The following HCN1 variants were observed in gnomAD, a reference collection of about 807,000 sequenced individuals.
HCN1 encodes the protein hyperpolarization activated cyclic nucleotide gated potassium channel 1, also known as potassium/sodium hyperpolarization-activated cyclic nucleotide-gated channel 1.
In HCN1, 13 loss-of-function variants were observed where a neutral mutation model predicts 78.9. The ratio of observed to expected loss-of-function variants is 0.16; its 90% CI spans 0.11 to 0.26. The LOEUF is 0.26. Among genes scored for constraint, HCN1 ranks in the 10% least tolerant of loss-of-function variants. HCN1 has a pLI of 1.00. For missense variants in HCN1, 810 were observed against 1,154.3 expected, an observed-to-expected ratio of 0.70 and a Z score of 4.32; for synonymous variants, 552 against 455.5, an observed-to-expected ratio of 1.21 and a Z score of -2.70.
chr5:45,345,749 T>G (rs922682377), intron 5 of HCN1, among the ~76,000 whole-genome samples: 1 of 152,184 alleles, frequency 6.6e-6, no homozygotes, highest in Non-Finnish European at 1.5e-5. Flanking sequence ...CTCTAGGAAG[T>G]TCCAAACTTT....
intron 6 of HCN1, among the ~76,000 whole-genome samples, chr5:45,288,618 T>TTTA (rs1221191420): frequency 2.6e-5 from 4 of 152,028 alleles, no homozygotes; most frequent in African/African-American, 9.7e-5. Context: ...CTCCTAATCC[T>TTTA]TTTATAGTTT....
intron 3 of HCN1, among the ~76,000 whole-genome samples, chr5:45,422,130 GACA>G (rs1359076816): frequency 6.6e-6 from 1 of 152,150 alleles, no homozygotes; most frequent in African/African-American, 2.4e-5. Context: ...ACACAGAGAT[GACA>G]ACAAGAATCT....
chr5:45,389,484 A>G (rs1049195761), intron 4 of HCN1, among the ~76,000 whole-genome samples: 2 of 151,930 alleles, frequency 1.3e-5, no homozygotes, highest in Admixed American at 1.3e-4. Context: ...TATCCTCCTA[A>G]CCCCACCCAC....
At chr5:45,341,663 G>T (rs976165504) in intron 5 of HCN1, among the ~76,000 whole-genome samples, 7 of 152,140 alleles carry the variant, frequency 4.6e-5, no homozygotes, top group African/African-American at 1.7e-4. Context: ...AGGTTGAACT[G>T]GGAGGATCAC....
chr5:45,414,352 GT>G (rs1740078220), intron 3 of HCN1, among the ~76,000 whole-genome samples: 1 of 152,022 alleles, frequency 6.6e-6, no homozygotes, highest in Admixed American at 6.6e-5. Context: ...GGTGAACAGA[GT>G]TGAATATCAT....
At chr5:45,534,304 G>A (rs1742919419) in intron 2 of HCN1, among the ~76,000 whole-genome samples, 1 of 145,816 alleles carries the variant, frequency 6.9e-6, no homozygotes, top group Admixed American at 7.2e-5. Flanking sequence ...GCTGAGGCAC[G>A]AGAATCACTT....
intron 5 of HCN1, among the ~76,000 whole-genome samples, chr5:45,349,097 T>C (rs1746824811): frequency 6.6e-6 from 1 of 152,104 alleles, no homozygotes; most frequent in Admixed American, 6.5e-5. Flanking sequence ...ACCACACCTC[T>C]TCCAAAATTG....
intron 1 of HCN1, among the ~76,000 whole-genome samples, chr5:45,656,454 C>T (rs1745765773): frequency 6.6e-6 from 1 of 152,166 alleles, no homozygotes; most frequent in Admixed American, 6.5e-5. Context: ...TACATGACAA[C>T]ACTGCAAACA....
At chr5:45,287,097 G>A (rs1251813417) in intron 6 of HCN1, among the ~76,000 whole-genome samples, 2 of 151,172 alleles carry the variant, frequency 1.3e-5, no homozygotes, top group African/African-American at 4.9e-5. Flanking sequence ...GTGTGTGTGT[G>A]TCTGTGTGTG....
chr5:45,379,324 C>A (rs1443088866), intron 4 of HCN1, among the ~76,000 whole-genome samples: 1 of 151,980 alleles, frequency 6.6e-6, no homozygotes, highest in Non-Finnish European at 1.5e-5. Flanking sequence ...CTATGATACG[C>A]TCCTCTTAAT....
chr5:45,502,244 G>T (rs966540060), intron 2 of HCN1, among the ~76,000 whole-genome samples: 2 of 151,724 alleles, frequency 1.3e-5, no homozygotes, highest in African/African-American at 2.4e-5. Context: ...GAGGCGGGCG[G>T]ATCATCTGAG....
intron 6 of HCN1, among the ~76,000 whole-genome samples, chr5:45,269,913 T>C (rs1744928850): frequency 6.6e-6 from 1 of 152,190 alleles, no homozygotes; most frequent in Non-Finnish European, 1.5e-5. Flanking sequence ...TATTCCATGT[T>C]CCCTCTACTT....
intron 3 of HCN1, among the ~76,000 whole-genome samples, chr5:45,459,829 A>G (rs1247679134): frequency 2.0e-5 from 3 of 152,060 alleles, no homozygotes; most frequent in African/African-American, 7.2e-5. Context: ...TTTTTATACT[A>G]TCCTCTCAGT....
chr5:45,351,707 G>A (rs1449904754), intron 5 of HCN1, among the ~76,000 whole-genome samples: 2 of 147,440 alleles, frequency 1.4e-5, no homozygotes, highest in South Asian at 4.4e-4. Context: ...CCATCAAAAA[G>A]TGGGCAAAGG....
Position 45,290,745 on chromosome 5 carries a change from G to C in HCN1, c.1618+12854C>G, listed in dbSNP as rs138236707. Among the ~76,000 whole-genome samples, 78 of 151,940 alleles carry C rather than the reference G, an allele frequency of 5.1e-4. 1 individual carries two copies. The highest frequency in any genetic ancestry group is 1.7e-3 in the African/African-American group (69 of 41,486). ...GCAGATACAAACAGAAACATAACAT[G>C]ATCTTTTACAAGTCTACAGTATAAT... On this transcript the variant is annotated intron_variant, in intron 6 of 7. Coordinates refer to ENST00000303230, the MANE Select transcript of HCN1 (RefSeq NM_021072.4).
chr5:45,365,416 T>C (rs187176709), intron 4 of HCN1, among the ~76,000 whole-genome samples: 1 of 152,012 alleles, frequency 6.6e-6, no homozygotes, highest in African/African-American at 2.4e-5. Context: ...CCCATTGTTT[T>C]GCTCACATTT....
chr5:45,281,492 G>C (rs1287065973), intron 6 of HCN1, among the ~76,000 whole-genome samples: 1 of 149,786 alleles, frequency 6.7e-6, no homozygotes, highest in Non-Finnish European at 1.5e-5. Context: ...GTTTCTTATA[G>C]CAATGCAAGA....
chr5:45,372,091 A>C (rs1415793508), intron 4 of HCN1, among the ~76,000 whole-genome samples: 1 of 58,784 alleles, frequency 1.7e-5, no homozygotes, highest in Non-Finnish European at 2.7e-5. Flanking sequence ...ATATAATTAT[A>C]TATATATTTT....
intron 6 of HCN1, among the ~76,000 whole-genome samples, chr5:45,286,683 C>T (rs1745275407): frequency 1.3e-5 from 2 of 151,830 alleles, no homozygotes; most frequent in South Asian, 2.1e-4. Context: ...TGGGGTACAA[C>T]CACATATCCA....
Sources: gnomAD v4.1 joint callset for allele counts (sites outside exome capture counted in the v4.1 genomes callset) on GRCh38, gnomAD v4.1.1 for gene constraint, MANE v1.5 for transcripts, NCBI Gene and HGNC (gene_info 2026-07-23, HGNC 2026-07-21) for gene names.